PACRG: variants seen among roughly 807,000 people sequenced by gnomAD.
PACRG encodes the protein parkin coregulated.
A neutral mutation model predicts 29.7 loss-of-function variants in PACRG; 29 were observed. That is an observed-to-expected ratio of 0.98 (90% CI 0.73 to 1.33). The LOEUF (loss-of-function observed/expected upper bound fraction) is 1.33, where lower values mean the gene tolerates loss of function less well. Ranked by LOEUF, PACRG falls within the 40% of genes most tolerant of loss-of-function variation. The pLI, the probability that PACRG is intolerant of heterozygous loss-of-function variation, is 0.00. For missense variants in PACRG, 279 were observed against 316.2 expected (o/e 0.88, Z 0.89); for synonymous variants, 116 against 118.7 (o/e 0.98, Z 0.15).
intron 2 of PACRG, among the ~76,000 whole-genome samples, chr6:162,865,875 C>G (rs941630991): frequency 2.2e-4 from 34 of 152,082 alleles, no homozygotes; most frequent in African/African-American, 7.7e-4. Context: ...AAAAATCAGC[C>G]TCCAAGGTTA....
At chr6:163,134,318 G>T (rs1421518996) in intron 4 of PACRG, among the ~76,000 whole-genome samples, 2 of 152,136 alleles carry the variant, frequency 1.3e-5, no homozygotes, top group African/African-American at 2.4e-5. Context: ...GCGTCTCGGG[G>T]CTGTAAGTAC....
intron 2 of PACRG, among the ~76,000 whole-genome samples, chr6:162,817,572 C>T (rs901305905): frequency 9.9e-5 from 15 of 152,100 alleles, no homozygotes; most frequent in African/African-American, 3.6e-4. Context: ...ACATCTGCAC[C>T]GTCTAATATG....
chr6:162,944,219 T>G (rs11967166), intron 2 of PACRG, among the ~76,000 whole-genome samples: 22,053 of 152,226 alleles, frequency 0.14, 2,608 homozygotes, highest in African/African-American at 0.32. Context: ...TGATGCTGTT[T>G]ACAGCCAAAT....
chr6:163,019,355 C>T (rs938004513), intron 2 of PACRG, among the ~76,000 whole-genome samples: 8 of 152,204 alleles, frequency 5.3e-5, no homozygotes, highest in African/African-American at 1.9e-4. Flanking sequence ...TTTCTAGGAT[C>T]TGCCTTCTCT....
rs115726645 is a variant in PACRG at position 162,804,755 on chromosome 6, G to A, written c.157-9392G>A. ...AAATCACTTGAAGTTTTCCCTGCCA[G>A]CCATTGTTGCCTATAGTGCCTTATT... On this transcript the variant is annotated intron_variant, in intron 1 of 4. Coordinates refer to ENST00000366888, the MANE Select transcript of PACRG (RefSeq NM_001080379.2). 3.8e-3 allele frequency among the ~76,000 whole-genome samples: 572 copies of A among 152,198 alleles called. 4 individuals carry two copies. Among genetic ancestry groups the A allele is most frequent in the African/African-American group, 0.013 (556 of 41,490 alleles).
At chr6:162,995,900 G>A (rs1195548081) in intron 2 of PACRG, among the ~76,000 whole-genome samples, 5 of 152,156 alleles carry the variant, frequency 3.3e-5, no homozygotes, top group African/African-American at 1.2e-4. Context: ...AATGAACATG[G>A]GAGGATAGAT....
chr6:163,279,382 T>A (rs999644840), intron 4 of PACRG, among the ~76,000 whole-genome samples: 2 of 152,142 alleles, frequency 1.3e-5, no homozygotes, highest in African/African-American at 4.8e-5. Context: ...GTTGAATAGA[T>A]CTTCAATCAT....
intron 2 of PACRG, among the ~76,000 whole-genome samples, chr6:163,017,770 C>T (rs928298591): frequency 2.6e-5 from 4 of 152,132 alleles, no homozygotes; most frequent in Non-Finnish European, 5.9e-5. Context: ...AGTTACTACT[C>T]TTAAAAATTC....
chr6:163,291,588 T>A (rs1784613159), intron 4 of PACRG, among the ~76,000 whole-genome samples: 1 of 152,254 alleles, frequency 6.6e-6, no homozygotes. Context: ...CTCTTGAACA[T>A]CGACTGAGTT....
At chr6:163,214,374 C>T (rs1781279099) in intron 4 of PACRG, among the ~76,000 whole-genome samples, 1 of 151,996 alleles carries the variant, frequency 6.6e-6, no homozygotes, top group African/African-American at 2.4e-5. Context: ...TTTATTTTTC[C>T]TTCTCATAAG....
chr6:162,787,948 A>G (rs1784640918), intron 1 of PACRG, among the ~76,000 whole-genome samples: 1 of 152,058 alleles, frequency 6.6e-6, no homozygotes. Flanking sequence ...TTGGGCAACA[A>G]AAGGTACAGG....
intron 1 of PACRG, among the ~76,000 whole-genome samples, chr6:162,781,655 T>G (rs994055100): frequency 6.6e-6 from 1 of 151,696 alleles, no homozygotes; most frequent in Non-Finnish European, 1.5e-5. Context: ...TGTTGTAAGG[T>G]TTTTATATGT....
At chr6:163,300,713 T>C (rs571947990) in intron 4 of PACRG, among the ~76,000 whole-genome samples, 4 of 152,350 alleles carry the variant, frequency 2.6e-5, no homozygotes, top group African/African-American at 9.6e-5. Context: ...TTTGCAAATA[T>C]TAAATCCCAT....
intron 4 of PACRG, among the ~76,000 whole-genome samples, chr6:163,196,642 GAA>G (rs1364831898): frequency 6.6e-6 from 1 of 152,196 alleles, no homozygotes; most frequent in Non-Finnish European, 1.5e-5. Context: ...ATGGTTTCTT[GAA>G]AGAGTCACTT....
At chr6:163,149,246 C>G (rs1037172850) in intron 4 of PACRG, among the ~76,000 whole-genome samples, 10 of 151,958 alleles carry the variant, frequency 6.6e-5, no homozygotes, top group African/African-American at 2.4e-4. Context: ...GGAGGGGACG[C>G]CTCCCGCGGG....
intron 2 of PACRG, among the ~76,000 whole-genome samples, chr6:162,874,917 A>G (rs1466093626): frequency 2.0e-5 from 3 of 152,076 alleles, no homozygotes; most frequent in Non-Finnish European, 4.4e-5. Context: ...ACAGTTACAC[A>G]TTCATATACA....
rs144863434 is a variant in PACRG, at chr6:163,102,019, A to G, written c.613+12611A>G. 2.5e-4 allele frequency among the ~76,000 whole-genome samples: 38 copies of G among 152,266 alleles called. No homozygotes were observed. In the East Asian group the frequency reaches 3.5e-3, roughly 14 times the overall value. On this transcript the variant is annotated intron_variant, in intron 4 of 4. Coordinates refer to ENST00000366888, the MANE Select transcript of PACRG (RefSeq NM_001080379.2). ...ACAGACACTATGCGGCCACACAGTC[A>G]TTTTCAATTTACCAAATCCCTCAAA... is the stretch of plus-strand genomic sequence containing the variant.
chr6:163,235,024 TATG>T (rs1184226457), intron 4 of PACRG, among the ~76,000 whole-genome samples: 1 of 152,114 alleles, frequency 6.6e-6, no homozygotes, highest in African/African-American at 2.4e-5. Flanking sequence ...TGAAGAAAGA[TATG>T]AGCTCCATGA....
rs181438698 is a variant in PACRG at position 162,807,260 on chromosome 6, G to A, written c.157-6887G>A. Among the ~76,000 whole-genome samples the A allele has an allele frequency of 8.2e-4, 125 of 152,300 alleles. No homozygotes were observed. In the East Asian group the frequency reaches 0.012, roughly 14 times the overall value. ...CCTGTTTCACTTTCTCATTATTCAT[G>A]TGTTCACTGGGATAGCACTTTTTAT... On this transcript the variant is annotated intron_variant, in intron 1 of 4. Transcript: ENST00000366888.
Sources: gnomAD v4.1 joint callset for allele counts (sites outside exome capture counted in the v4.1 genomes callset) on GRCh38, gnomAD v4.1.1 for gene constraint, MANE v1.5 for transcripts, NCBI Gene and HGNC (gene_info 2026-07-23, HGNC 2026-07-21) for gene names.